PRKCH: variants seen among roughly 807,000 people sequenced by gnomAD.
PRKCH encodes protein kinase C eta, also known as protein kinase C eta type.
Under a neutral mutation model 82.5 loss-of-function variants are expected in PRKCH, and 28 were observed. That is an observed-to-expected ratio of 0.34 (90% CI 0.25 to 0.47). PRKCH has a LOEUF of 0.47. Among genes scored for constraint, PRKCH ranks in the 20% least tolerant of loss-of-function variants. The pLI, the probability that PRKCH is intolerant of heterozygous loss-of-function variation, is 1.00. For synonymous variants in PRKCH, 322 were observed against 327.4 expected, an observed-to-expected ratio of 0.98 and a Z score of 0.18; for missense variants, 705 against 881.8, an observed-to-expected ratio of 0.80 and a Z score of 2.54.
intron 10 of PRKCH, among the ~76,000 whole-genome samples, chr14:61,523,958 G>A (rs1438492141): frequency 3.3e-5 from 5 of 152,250 alleles, no homozygotes; most frequent in Admixed American, 6.5e-5. Flanking sequence ...GGCAGGTGCC[G>A]AGGCTGTGTG....
chr14:61,253,706 C>T (rs1437660363), intron 1 of PRKCH, among the ~76,000 whole-genome samples: 1 of 152,184 alleles, frequency 6.6e-6, no homozygotes, highest in Non-Finnish European at 1.5e-5. Flanking sequence ...ATACTGGTTT[C>T]TAATCTGACT....
At chr14:61,248,618 G>A (rs1306118266) in intron 1 of PRKCH, among the ~76,000 whole-genome samples, 1 of 152,212 alleles carries the variant, frequency 6.6e-6, no homozygotes, top group Non-Finnish European at 1.5e-5. Flanking sequence ...CTCTTGAAGA[G>A]TGTCCAGTAC....
At chr14:61,519,401 C>T (rs1462843528) in intron 10 of PRKCH, among the ~76,000 whole-genome samples, 1 of 152,092 alleles carries the variant, frequency 6.6e-6, no homozygotes, top group Non-Finnish European at 1.5e-5. Flanking sequence ...AATCCTCCCA[C>T]CCTGGCCCTG....
rs149889439 is a variant in PRKCH, at chr14:61,434,052, G to A, written c.428-9059G>A. The stretch of plus-strand genomic sequence containing the variant: ...ACAGCTGAGACCACATCATAGCTAC[G>A]TTGTTCCCTTACATTGCATTTACAT... On this transcript the variant is annotated intron_variant, in intron 2 of 13. Transcript: ENST00000332981. Among the ~76,000 whole-genome samples the A allele has an allele frequency of 1.4e-4, 22 of 152,290 alleles. No homozygotes were observed. In the East Asian group the frequency reaches 3.1e-3, roughly 21 times the overall value.
At chr14:61,376,098 G>A (rs1050379807) in intron 1 of PRKCH, among the ~76,000 whole-genome samples, 7 of 150,642 alleles carry the variant, frequency 4.6e-5, no homozygotes, top group Non-Finnish European at 1.0e-4. Context: ...GCCTTTAATG[G>A]GATTTTAATA....
Position 61,189,009 on chromosome 14 carries a change from C to T in PRKCH, c.-19+1341C>T, listed in dbSNP as rs1160590363. Among the ~76,000 whole-genome samples, 20 of 135,714 alleles carry T rather than the reference C, an allele frequency of 1.5e-4. No individual in the cohort carries two copies. The Admixed American group carries it at 1.6e-3, about 11-fold the overall frequency. 89.0% of individuals were successfully genotyped at this position (135,714 alleles called of 152,430 possible). On this transcript the variant is annotated intron_variant, in intron 1 of 3. Coordinates refer to the PRKCH transcript ENST00000555185. Reference sequence around the variant, plus strand: ...TGCTGAGATTACAGTCGTGAGCCACCGCGCCAGCCCGTTGCTGTATTTGAA... The same window carrying T: ...TGCTGAGATTACAGTCGTGAGCCACTGCGCCAGCCCGTTGCTGTATTTGAA...
chr14:61,216,034 T>TA (rs765581230), intron 1 of PRKCH, among the ~76,000 whole-genome samples: 3 of 152,234 alleles, frequency 2.0e-5, no homozygotes, highest in Non-Finnish European at 4.4e-5. Context: ...GCAAATTTTA[T>TA]ACACCCTGCT....
chr14:61,233,404 A>G (rs1430389227), intron 1 of PRKCH, among the ~76,000 whole-genome samples: 2 of 152,106 alleles, frequency 1.3e-5, no homozygotes, highest in Non-Finnish European at 2.9e-5. Context: ...AAAAAAGAAA[A>G]AAAGAAAAAG....
At chr14:61,504,250 G>A (rs1594769319) in intron 10 of PRKCH, among the ~76,000 whole-genome samples, 1 of 151,826 alleles carries the variant, frequency 6.6e-6, no homozygotes, top group African/African-American at 2.4e-5. Flanking sequence ...GTGCAGTGGT[G>A]CGATCTCGGC....
At chr14:61,290,228 G>C (rs1043762665) in intron 1 of PRKCH, among the ~76,000 whole-genome samples, 2 of 151,012 alleles carry the variant, frequency 1.3e-5, no homozygotes, top group African/African-American at 2.4e-5. Flanking sequence ...GGAGGCGGAG[G>C]TTGCAGTGAG....
At chr14:61,354,715 A>C (rs1182257481) in intron 1 of PRKCH, among the ~76,000 whole-genome samples, 3 of 152,150 alleles carry the variant, frequency 2.0e-5, no homozygotes, top group African/African-American at 7.2e-5. Flanking sequence ...CCACTTTGCC[A>C]ATGAGGCCTT....
At chr14:61,292,215 T>C (rs2045369395) in intron 1 of PRKCH, among the ~76,000 whole-genome samples, 1 of 151,558 alleles carries the variant, frequency 6.6e-6, no homozygotes, top group Non-Finnish European at 1.5e-5. Flanking sequence ...CCAGGCACAG[T>C]GGCTCATGCT....
intron 1 of PRKCH, among the ~76,000 whole-genome samples, chr14:61,374,413 T>TG (rs1387015403): frequency 1.3e-5 from 2 of 152,248 alleles, no homozygotes; most frequent in South Asian, 4.1e-4. Context: ...GGACTCTGTG[T>TG]GGGGGTTTCA....
In PRKCH at chr14:61,453,301, CCAAGA is replaced by C; in HGVS notation, c.910_914del (p.Lys304ProfsTer40). The C allele has an allele frequency of 6.2e-7, 1 of 1,614,122 alleles. No homozygotes were observed. The highest frequency in any genetic ancestry group is 8.5e-7 in the Non-Finnish European group (1 of 1,180,020). Reference sequence around the variant, plus strand: ...TGTGGGGTAAATGCGGTGGAACTTGCCAAGACCCTGGCAGGGATGGGTCTCCAACC... The same window carrying C: ...TGTGGGGTAAATGCGGTGGAACTTGCCCCTGGCAGGGATGGGTCTCCAACC... On this transcript the variant is annotated frameshift_variant, in exon 7 of 14. Transcript: ENST00000332981. LOFTEE classifies it high-confidence loss of function.
chr14:61,273,327 G>A (rs1349067953), intron 1 of PRKCH, among the ~76,000 whole-genome samples: 9 of 152,110 alleles, frequency 5.9e-5, no homozygotes, highest in Non-Finnish European at 4.4e-5. Flanking sequence ...CCAGCAAATG[G>A]GACAACTACT....
At position 61,294,046 on chromosome 14, in the gene PRKCH, G is replaced by T. The variant is rs757577144; in HGVS notation, c.-19+106378G>T. Among the ~76,000 whole-genome samples the T allele has an allele frequency of 4.4e-4, 67 of 152,182 alleles. 1 individual carries two copies. Among genetic ancestry groups the T allele is most frequent in the Admixed American group, 8.5e-4 (13 of 15,276 alleles). On this transcript the variant is annotated intron_variant, in intron 1 of 3. Coordinates refer to the PRKCH transcript ENST00000555185. ...TCAAATTGCCTGCCCCTCTCAGGTG[G>T]AACGCTCTCCACTCCCAGAGATGTG...
At chr14:61,273,946 C>G (rs1319073668) in intron 1 of PRKCH, among the ~76,000 whole-genome samples, 4 of 152,148 alleles carry the variant, frequency 2.6e-5, no homozygotes, top group Admixed American at 1.3e-4. Flanking sequence ...GTACTTGGCA[C>G]TGGCAATAAA....
chr14:61,445,870 C>T, intron 4 of PRKCH, 144 bp downstream of exon 4: 4 of 830,228 alleles, frequency 4.8e-6, no homozygotes, highest in Non-Finnish European at 5.8e-6. Context: ...GTAGATACAA[C>T]TCTTTAGTTT....
At chr14:61,366,470 C>G (rs2046297689) in intron 1 of PRKCH, among the ~76,000 whole-genome samples, 1 of 152,040 alleles carries the variant, frequency 6.6e-6, no homozygotes, top group Admixed American at 6.5e-5. Flanking sequence ...CAGATCCAAA[C>G]TTAGAAGGAA....
Sources: allele counts gnomAD v4.1 joint callset (sites outside exome capture counted in the v4.1 genomes callset), GRCh38; gene constraint gnomAD v4.1.1; transcripts MANE v1.5; gene names NCBI Gene and HGNC (gene_info 2026-07-23, HGNC 2026-07-21).